Variants in SLIT2 observed in about 807,000 individuals in gnomAD.
SLIT2 encodes slit guidance ligand 2, also known as slit homolog 2 protein.
In SLIT2, 41 loss-of-function variants were observed where a neutral mutation model predicts 185.7. The observed-to-expected ratio is 0.22, with a 90% CI of 0.17 to 0.29. The LOEUF (loss-of-function observed/expected upper bound fraction) is 0.29. Ranked by LOEUF, SLIT2 falls within the 10% of genes least tolerant of loss-of-function variation. The probability of loss-of-function intolerance (pLI) is 1.00; values close to 1 mark genes in which losing one functional copy is unlikely to be tolerated. For missense variants in SLIT2, 1,571 were observed against 1,909.0 expected (o/e 0.82, Z 3.30); for synonymous variants, 693 against 680.2 (o/e 1.02, Z -0.29).
At position 20,489,725 on chromosome 4, in the gene SLIT2, A is replaced by T. The variant is rs536054196; in HGVS notation, c.775+743A>T. Among the ~76,000 whole-genome samples the T allele has an allele frequency of 1.1e-3, 174 of 152,172 alleles. 1 individual carries two copies. Among genetic ancestry groups the T allele is most frequent in the African/African-American group, 3.9e-3 (160 of 41,508 alleles). ...CTTGAATCTGGGAGGCGGAGATTGC[A>T]GTGAGCTGAGATCACACCAGTGCAC... is the stretch of plus-strand genomic sequence containing the variant. On this transcript the variant is annotated intron_variant, in intron 8 of 36. Transcript: ENST00000504154.
intron 4 of SLIT2, among the ~76,000 whole-genome samples, chr4:20,430,154 T>TAAAAAAAAAA (rs1381853603): frequency 6.6e-6 from 1 of 152,164 alleles, no homozygotes; most frequent in Non-Finnish European, 1.5e-5. Flanking sequence ...ATACATGTTT[T>TAAAAAAAAAA]AAAAATTCTT....
Position 20,486,291 on chromosome 4 carries a change from G to A in SLIT2, c.611+20G>A, listed in dbSNP as rs984243862. 2.9e-6 allele frequency: 4 copies of A among 1,365,614 alleles called. No individual in the cohort carries two copies. Among genetic ancestry groups the A allele is most frequent in the Non-Finnish European group, 4.2e-6 (4 of 955,450 alleles). 84.6% of individuals were successfully genotyped at this position (1,365,614 alleles called of 1,614,324 possible). A position where few individuals can be genotyped will look rare whatever the true frequency, so the allele number is the denominator to read the frequency against. The stretch of plus-strand genomic sequence containing the variant: ...GACTTTGTAAGTAGTCACAATATAT[G>A]TAAAAGTCATATTAATCAATTAAAG... On this transcript the variant is annotated intron_variant, in intron 7 of 36. Transcript: ENST00000504154.
intron 5 of SLIT2, among the ~76,000 whole-genome samples, chr4:20,475,894 C>T (rs75012568): frequency 0.012 from 1,811 of 152,184 alleles, 33 homozygotes; most frequent in East Asian, 0.058. Flanking sequence ...ATACCATAGG[C>T]TACTCCTATA....
At chr4:20,501,490 C>T (rs1159114965) in intron 9 of SLIT2, among the ~76,000 whole-genome samples, 1 of 151,986 alleles carries the variant, frequency 6.6e-6, no homozygotes, top group African/African-American at 2.4e-5. Flanking sequence ...CACCTTGTTG[C>T]CTGGGTTGGT....
At chr4:20,537,504 T>C (rs949483105) in intron 18 of SLIT2, among the ~76,000 whole-genome samples, 7 of 152,094 alleles carry the variant, frequency 4.6e-5, no homozygotes, top group African/African-American at 1.4e-4. Flanking sequence ...TATATCAAAG[T>C]ATTTCTTCTT....
chr4:20,451,940 C>A lies in SLIT2; in HGVS notation c.396-15812C>A, dbSNP rs1045706995. 3.3e-5 allele frequency among the ~76,000 whole-genome samples: 5 copies of A among 152,038 alleles called. No individual in the cohort carries two copies. The East Asian group carries it at 9.6e-4, about 29-fold the overall frequency. ...GTGTAAGTATGATGAGTTAAAATAC[C>A]CATTGACAGCTGGCAAAACAACCAA... On this transcript the variant is annotated intron_variant, in intron 4 of 36. Transcript: ENST00000504154.
chr4:20,296,623 T>G (rs904006488), intron 4 of SLIT2, among the ~76,000 whole-genome samples: 4 of 152,206 alleles, frequency 2.6e-5, no homozygotes, highest in African/African-American at 9.6e-5. Context: ...CTTCCAATTT[T>G]TATTAAATGC....
chr4:20,396,614 G>A (rs1047747260), intron 4 of SLIT2, among the ~76,000 whole-genome samples: 33 of 151,548 alleles, frequency 2.2e-4, no homozygotes, highest in African/African-American at 8.0e-4. Flanking sequence ...CCAGGGAGAG[G>A]CAGGGCTAGA....
At chr4:20,367,815 A>G (rs1377753337) in intron 4 of SLIT2, among the ~76,000 whole-genome samples, 2 of 151,950 alleles carry the variant, frequency 1.3e-5, no homozygotes, top group Non-Finnish European at 2.9e-5. Flanking sequence ...CCTCCTCATT[A>G]TCTCTCCAGG....
intron 29 of SLIT2, among the ~76,000 whole-genome samples, chr4:20,580,829 TCTC>T (rs1560212529): frequency 6.6e-6 from 1 of 152,152 alleles, no homozygotes; most frequent in African/African-American, 2.4e-5. Context: ...GAGCACTCCT[TCTC>T]CTTTGTGCAC....
intron 4 of SLIT2, among the ~76,000 whole-genome samples, chr4:20,291,510 T>A (rs1466884092): frequency 5.9e-4 from 51 of 86,200 alleles, no homozygotes; most frequent in Non-Finnish European, 1.1e-3. Context: ...TTTTTTTTTT[T>A]TTTTTTTTTT....
chr4:20,428,959 G>C (rs10026931), intron 4 of SLIT2, among the ~76,000 whole-genome samples: 136,958 of 152,262 alleles, frequency 0.9, 61,651 homozygotes, highest in East Asian at 0.98. Context: ...GCCAGCAAAT[G>C]ACATCACTTT....
At chr4:20,427,791 A>G (rs1009592339) in intron 4 of SLIT2, among the ~76,000 whole-genome samples, 2 of 151,350 alleles carry the variant, frequency 1.3e-5, no homozygotes, top group African/African-American at 4.9e-5. Flanking sequence ...TTTTCTCTTC[A>G]GGTCTTTTTC....
At chr4:20,416,364 A>G (rs935791826) in intron 4 of SLIT2, among the ~76,000 whole-genome samples, 6 of 152,058 alleles carry the variant, frequency 3.9e-5, no homozygotes, top group African/African-American at 1.4e-4. Flanking sequence ...TACCATTCCT[A>G]TTGGATTAGG....
At chr4:20,274,585 T>C (rs1315568993) in intron 4 of SLIT2, among the ~76,000 whole-genome samples, 1 of 152,182 alleles carries the variant, frequency 6.6e-6, no homozygotes, top group Non-Finnish European at 1.5e-5. Flanking sequence ...TGGTTTTTAC[T>C]TCAAAGGAAT....
At chr4:20,451,398 G>A (rs1237310675) in intron 4 of SLIT2, among the ~76,000 whole-genome samples, 1 of 152,122 alleles carries the variant, frequency 6.6e-6, no homozygotes, top group East Asian at 1.9e-4. Flanking sequence ...TGTCTCCTTT[G>A]TTCCAGCTAA....
chr4:20,408,667 A>G (rs1726962875), intron 4 of SLIT2, among the ~76,000 whole-genome samples: 1 of 152,114 alleles, frequency 6.6e-6, no homozygotes, highest in South Asian at 2.1e-4. Flanking sequence ...TATCTCACTC[A>G]TTGTGGAAAC....
chr4:20,456,062 A>G (rs1713030865), intron 4 of SLIT2, among the ~76,000 whole-genome samples: 1 of 152,124 alleles, frequency 6.6e-6, no homozygotes, highest in Non-Finnish European at 1.5e-5. Context: ...ATCGACATGA[A>G]AAACCTGGGT....
intron 4 of SLIT2, among the ~76,000 whole-genome samples, chr4:20,365,696 C>T (rs1244777299): frequency 1.3e-5 from 2 of 152,092 alleles, no homozygotes; most frequent in Admixed American, 6.6e-5. Flanking sequence ...GGGGACTGGG[C>T]CAGTGAAAGA....
Sources: gnomAD v4.1 joint callset for allele counts (sites outside exome capture counted in the v4.1 genomes callset) on GRCh38, gnomAD v4.1.1 for gene constraint, MANE v1.5 for transcripts, NCBI Gene and HGNC (gene_info 2026-07-23, HGNC 2026-07-21) for gene names.